BRCA2: variants seen among roughly 807,000 people sequenced by gnomAD.
BRCA2 encodes the protein breast cancer type 2 susceptibility protein.
BRCA2 carries 203 observed loss-of-function variants against 276.7 expected under a neutral mutation model. The observed-to-expected ratio is 0.73, with a 90% CI of 0.65 to 0.82. The LOEUF (loss-of-function observed/expected upper bound fraction) is 0.82. Among genes scored for constraint, BRCA2 ranks in the 40% least tolerant of loss-of-function variants. The pLI, the probability that BRCA2 is intolerant of heterozygous loss-of-function variation, is 0.00. For missense variants in BRCA2, 3,920 were observed against 3,915.0 expected (o/e 1.00, Z -0.03); for synonymous variants, 1,289 against 1,338.4 (o/e 0.96, Z 0.81).
intron 13 of BRCA2, 64 bp from the exon 14 acceptor site, chr13:32,354,797 G>A (rs2137554757): frequency 8.8e-7 from 1 of 1,136,766 alleles, no homozygotes; most frequent in South Asian, 1.3e-5. Context: ...TGCAACAAAG[G>A]CATATTCCTA....
Position 32,339,625 on chromosome 13 carries a change from A to G in BRCA2, c.5270A>G (p.Tyr1757Cys), listed in dbSNP as rs587776466. The change falls in exon 11 of 27, where the codon TAT (tyrosine) becomes TGT (cysteine). Residue 1757 changes from tyrosine (Y) to cysteine (C), a missense_variant. This residue lies in a region of BRCA2 where 3,263 missense variants were observed against 3,156.9 expected (regional missense o/e 1.03). Transcript: ENST00000380152. ...TATTCCTACCATTCTGATGAGGTAT[A>G]TAATGATTCAGGATATCTCTCAAAA... is the stretch of plus-strand genomic sequence containing the variant. The part of the protein sequence containing the change: ...NSYSYHSDEV[Y>C]NDSGYLSKNK... 16 of 1,611,950 alleles carry G rather than the reference A, an allele frequency of 9.9e-6. No homozygotes were observed. The Admixed American group carries it at 1.0e-4, about 10-fold the overall frequency.
chr13:32,330,854 G>T (rs2137460761), intron 8 of BRCA2, 65 bp from the exon 9 acceptor site: 10 of 942,924 alleles, frequency 1.1e-5, no homozygotes, highest in Non-Finnish European at 1.7e-5. Flanking sequence ...TGGATAAGGG[G>T]GGACTACTAC....
chr13:32,319,381 AC>A, intron 3 of BRCA2, 56 bp downstream of exon 3: 1 of 1,510,314 alleles, frequency 6.6e-7, no homozygotes, highest in Non-Finnish European at 9.1e-7. Context: ...ATTTAGGCAA[AC>A]CTGTGTTAAA....
At chr13:32,375,680 C>G (rs1194516721) in intron 20 of BRCA2, among the ~76,000 whole-genome samples, 1 of 151,880 alleles carries the variant, frequency 6.6e-6, no homozygotes, top group Non-Finnish European at 1.5e-5. Flanking sequence ...CCTGCCTCAG[C>G]CTCCGGAGTA....
At position 32,316,635 on chromosome 13, in the gene BRCA2, G is replaced by A; in HGVS notation, c.67+108G>A. The A allele has an allele frequency of 8.6e-6, 8 of 931,200 alleles. No individual in the cohort carries two copies. The South Asian group carries it at 9.9e-5, about 11-fold the overall frequency. 57.7% of individuals were successfully genotyped at this position (931,200 alleles called of 1,614,324 possible). A position where few individuals can be genotyped will look rare whatever the true frequency, so the allele number is the denominator to read the frequency against. On this transcript the variant is annotated intron_variant, in intron 2 of 26. Transcript: ENST00000380152. ...ACAGTGTTGCTTAGAACCATAAACT[G>A]TTCCTTATGTGTGTATAAATCCAGT...
rs1169915570 is a variant in BRCA2, at chr13:32,329,311, A to T, written c.632-132A>T. 6 of 643,042 alleles carry T rather than the reference A, an allele frequency of 9.3e-6. No homozygotes were observed. The Admixed American group carries it at 1.3e-4, about 14-fold the overall frequency. 39.8% of individuals were successfully genotyped at this position (643,042 alleles called of 1,614,324 possible). ...ACCTTTCTAATTACTATACTTAAGT[A>T]CTTGAATCAATTCATTTTGTTTCAA... On this transcript the variant is annotated intron_variant, in intron 7 of 26. Coordinates refer to ENST00000380152, the MANE Select transcript of BRCA2 (RefSeq NM_000059.4).
chr13:32,330,858 C>T (rs2137460787), intron 8 of BRCA2, 61 bp from the exon 9 acceptor site: 2 of 978,772 alleles, frequency 2.0e-6, no homozygotes, highest in South Asian at 1.4e-5. Flanking sequence ...TAAGGGGGGA[C>T]TACTACTATA....
Position 32,394,880 on chromosome 13 carries a change from C to T in BRCA2, c.9448C>T (p.Pro3150Ser), listed in dbSNP as rs1481726746. 1.2e-6 allele frequency: 2 copies of T among 1,613,878 alleles called. No individual in the cohort carries two copies. The highest frequency in any genetic ancestry group is 1.3e-5 in the African/African-American group (1 of 74,890). Residue 3150 changes from proline to serine, a missense_variant, in exon 25 of 27, where the codon CCA becomes TCA. By Grantham distance (74) the Pro-to-Ser change is moderately conservative. Coordinates refer to ENST00000380152, the MANE Select transcript of BRCA2 (RefSeq NM_000059.4). ...AGDFSVFSAS[P>S]KEGHFQETFN... ...AGATTTTTCTGTGTTTTCTGCTAGTCCAAAAGAGGGCCACTTTCAAGAGAC... is the reference window on the plus strand; with the variant it reads ...AGATTTTTCTGTGTTTTCTGCTAGTTCAAAAGAGGGCCACTTTCAAGAGAC...
At chr13:32,389,749 G>T (rs1482585015) in intron 24 of BRCA2, among the ~76,000 whole-genome samples, 1 of 152,160 alleles carries the variant, frequency 6.6e-6, no homozygotes, top group Non-Finnish European at 1.5e-5. Context: ...AGATAAGGCT[G>T]CATTCACAGG....
chr13:32,358,706 G>T (rs1346331847), intron 16 of BRCA2, among the ~76,000 whole-genome samples: 2 of 151,880 alleles, frequency 1.3e-5, no homozygotes, highest in Non-Finnish European at 2.9e-5. Flanking sequence ...GCCAAGATGG[G>T]CCAATTACCT....
chr13:32,317,707 A>G (rs1395595976), intron 2 of BRCA2, among the ~76,000 whole-genome samples: 8 of 152,250 alleles, frequency 5.3e-5, no homozygotes, highest in Non-Finnish European at 1.2e-4. Context: ...TTGGGTAGAA[A>G]TGAGCCACTG....
intron 16 of BRCA2, among the ~76,000 whole-genome samples, chr13:32,361,777 T>A (rs2072738990): frequency 6.6e-6 from 1 of 152,102 alleles, no homozygotes; most frequent in Admixed American, 6.6e-5. Context: ...AGTTCTCTTT[T>A]GATTACTTCT....
chr13:32,327,508 A>G (rs1053657358), intron 7 of BRCA2, among the ~76,000 whole-genome samples: 1 of 151,916 alleles, frequency 6.6e-6, no homozygotes, highest in Admixed American at 6.6e-5. Flanking sequence ...TGTCTCTATT[A>G]AAATAGAAAA....
intron 1 of BRCA2, 69 bp downstream of exon 1, chr13:32,315,736 G>GCGCCTCA (rs1223617320): frequency 6.5e-6 from 1 of 153,502 alleles, no homozygotes; most frequent in African/African-American, 2.4e-5. Flanking sequence ...TGGCGGGGGA[G>GCGCCTCA]CGCCTCACGC....
At chr13:32,317,621 T>C (rs555024041) in intron 2 of BRCA2, among the ~76,000 whole-genome samples, 1 of 152,350 alleles carries the variant, frequency 6.6e-6, no homozygotes, top group Non-Finnish European at 1.5e-5. Flanking sequence ...TTTCCAAATA[T>C]TGATAAATTG....
At position 32,398,916 on chromosome 13, in the gene BRCA2, G is replaced by C. The variant is rs970865582; in HGVS notation, c.*146G>C. ...AAATTTACCTCAGCGTTTGTGTATC[G>C]GGCAAAAATCGTTTTGCCCGATTCC... On this transcript the variant is annotated 3_prime_UTR_variant, in exon 27 of 27. Transcript: ENST00000380152. The C allele has an allele frequency of 4.5e-6, 5 of 1,109,360 alleles. No individual in the cohort carries two copies. Among genetic ancestry groups the C allele is most frequent in the Non-Finnish European group, 6.2e-6 (5 of 808,608 alleles). 68.7% of individuals were successfully genotyped at this position (1,109,360 alleles called of 1,614,324 possible).
At position 32,380,105 on chromosome 13, in the gene BRCA2, G is replaced by A. The variant is rs773533016; in HGVS notation, c.9216G>A (p.Val3072=). 2 of 1,613,858 alleles carry A rather than the reference G, an allele frequency of 1.2e-6. No individual in the cohort carries two copies. The highest frequency in any genetic ancestry group is 1.7e-6 in the Non-Finnish European group (2 of 1,179,938). ...ACTTTCAGCCATCTTGTTCTGAGGTGGACCTAATAGGATTTGTCGTTTCTG... is the reference window on the plus strand; with the variant it reads ...ACTTTCAGCCATCTTGTTCTGAGGTAGACCTAATAGGATTTGTCGTTTCTG... ...DPDFQPSCSE[V]DLIGFVVSVV... Residue 3072 remains valine, a synonymous_variant, in exon 24 of 27, where the codon GTG becomes GTA. Coordinates refer to ENST00000380152, the MANE Select transcript of BRCA2 (RefSeq NM_000059.4).
At chr13:32,329,277 T>C (rs2072371218) in intron 7 of BRCA2, among the ~76,000 whole-genome samples, 166 bp from the exon 8 acceptor site, 1 of 152,218 alleles carries the variant, frequency 6.6e-6, no homozygotes. Flanking sequence ...TTATTCACTG[T>C]GTTGATTGAC....
intron 7 of BRCA2, among the ~76,000 whole-genome samples, chr13:32,328,230 T>C (rs1311758774): frequency 6.6e-6 from 1 of 151,270 alleles, no homozygotes; most frequent in Non-Finnish European, 1.5e-5. Context: ...ACATTCTTTC[T>C]CTTTTTTCTT....
Sources: allele counts gnomAD v4.1 joint callset (sites outside exome capture counted in the v4.1 genomes callset), GRCh38; gene constraint gnomAD v4.1.1; regional missense constraint gnomAD v4.1.1; transcripts MANE v1.5; gene names NCBI Gene and HGNC (gene_info 2026-07-23, HGNC 2026-07-21).